The following RNF10 variants were observed in gnomAD, a reference collection of about 807,000 sequenced individuals.
The protein encoded by RNF10 is ring finger protein 10.
Under a neutral mutation model 91.4 loss-of-function variants are expected in RNF10, and 38 were observed. That is an observed-to-expected ratio of 0.42 (90% confidence interval 0.32 to 0.54). RNF10 has a LOEUF of 0.54. Ranked by LOEUF, RNF10 falls within the 20% of genes least tolerant of loss-of-function variation. The probability of loss-of-function intolerance (pLI) is 0.16; values close to 1 mark genes in which losing one functional copy is unlikely to be tolerated. For missense variants in RNF10, 945 were observed against 1,012.0 expected, an observed-to-expected ratio of 0.93 and a Z score of 0.90; for synonymous variants, 364 against 366.3, an observed-to-expected ratio of 0.99 and a Z score of 0.07.
In RNF10 at chr12:120,562,964, C is replaced by G. The variant is rs146309808; in HGVS notation, c.1148C>G (p.Ser383Trp). 347 of 1,613,880 alleles carry G rather than the reference C, an allele frequency of 2.2e-4. No homozygotes were observed. The highest frequency in any genetic ancestry group is 2.8e-4 in the Non-Finnish European group (327 of 1,179,956). The change falls in exon 8 of 17, where the codon TCG becomes TGG. Residue 383 changes from serine to tryptophan, a missense_variant. Ser to Trp is a radical substitution (Grantham distance 177). Transcript: ENST00000325954. Reference sequence around the variant, plus strand: ...CGTTAGACTCGGGAAGAGGCTCTGTCGGGATTGGCCGGAAGCAGAAGGGAG... The same window carrying G: ...CGTTAGACTCGGGAAGAGGCTCTGTGGGGATTGGCCGGAAGCAGAAGGGAG... ...QELKTREEAL[S>W]GLAGSRREVT...
chr12:120,559,841 G>A (rs959361048), intron 6 of RNF10, among the ~76,000 whole-genome samples: 6 of 150,104 alleles, frequency 4.0e-5, no homozygotes, highest in East Asian at 2.0e-4. Flanking sequence ...GATTATAGGC[G>A]CCCGTCACCA....
At chr12:120,560,160 T>TG (rs1045273979) in intron 6 of RNF10, among the ~76,000 whole-genome samples, 19 of 151,076 alleles carry the variant, frequency 1.3e-4, no homozygotes, top group East Asian at 9.7e-4. Flanking sequence ...TTTTGTTTTT[T>TG]TTTTTTTTGA....
chr12:120,545,155 T>C (rs1246543895), intron 1 of RNF10, among the ~76,000 whole-genome samples: 1 of 152,192 alleles, frequency 6.6e-6, no homozygotes, highest in African/African-American at 2.4e-5. Flanking sequence ...ACACATATTA[T>C]AATTGAAGAG....
At chr12:120,551,295 T>G (rs893625128) in intron 2 of RNF10, among the ~76,000 whole-genome samples, 1 of 131,604 alleles carries the variant, frequency 7.6e-6, no homozygotes, top group Non-Finnish European at 1.7e-5. Context: ...CTAGTGTTTT[T>G]TTTTTTTTTT....
rs1257481124 is a variant in RNF10 at position 120,577,438 on chromosome 12, A to G, written c.*772A>G. The G allele has an allele frequency of 4.9e-5, 14 of 288,604 alleles. No homozygotes were observed. The highest frequency in any genetic ancestry group is 3.5e-4 in the South Asian group (13 of 36,872). 17.9% of individuals were successfully genotyped at this position (288,604 alleles called of 1,614,324 possible). A position where few individuals can be genotyped will look rare whatever the true frequency, so the allele number is the denominator to read the frequency against. On this transcript the variant is annotated 3_prime_UTR_variant, in exon 17 of 17. Coordinates refer to ENST00000325954, the MANE Select transcript of RNF10 (RefSeq NM_014868.5). ...GAGCAGGGCCATCTGAAGCGGTAGC[A>G]TTGCCACCATCTCCCTCTCATCTAG...
chr12:120,567,591 C>T (rs185153375), intron 13 of RNF10, among the ~76,000 whole-genome samples: 3 of 151,738 alleles, frequency 2.0e-5, no homozygotes, highest in African/African-American at 7.3e-5. Flanking sequence ...GTCCCAGCTA[C>T]TTGGGAGGCT....
chr12:120,550,603 CTTT>C (rs1184392958), intron 2 of RNF10, among the ~76,000 whole-genome samples: 1 of 141,962 alleles, frequency 7.0e-6, no homozygotes. Flanking sequence ...TTTTTGTTTG[CTTT>C]TTTTTTTTTG....
intron 2 of RNF10, 124 bp downstream of exon 2, chr12:120,546,725 T>A: frequency 1.2e-6 from 1 of 803,136 alleles, no homozygotes; most frequent in South Asian, 2.4e-5. Flanking sequence ...ATCAAAGCAG[T>A]CTTGAGTAGG....
chr12:120,560,785 C>G lies in RNF10; in HGVS notation c.1027C>G (p.Arg343Gly), dbSNP rs201672608. Residue 343 changes from arginine to glycine, a missense_variant, in exon 7 of 17, where the codon CGG (arginine) becomes GGG (glycine). Physicochemically the swap from Arg to Gly is moderately radical, Grantham distance 125. Transcript: ENST00000325954. ...LLASKEQVLHRVVLEEKVALE... is the reference protein window; with the variant it reads ...LLASKEQVLHGVVLEEKVALE... The stretch of plus-strand genomic sequence containing the variant: ...GGCCTCTAAGGAGCAGGTGCTGCAC[C>G]GGGTAGTTCTGGAGGAGAAAGTAGC... 3 of 1,613,730 alleles carry G rather than the reference C, an allele frequency of 1.9e-6. No homozygotes were observed. The highest frequency in any genetic ancestry group is 3.3e-5 in the Admixed American group (2 of 59,962).
Position 120,576,937 on chromosome 12 carries a change from C to G in RNF10, c.*271C>G. On this transcript the variant is annotated 3_prime_UTR_variant, in exon 17 of 17. Coordinates refer to ENST00000325954, the MANE Select transcript of RNF10 (RefSeq NM_014868.5). ...TTCATTGCCAGTTTAGTCTTTTTGACCCATGTGTAATTAATTTTTCTCAAC... is the reference window on the plus strand; with the variant it reads ...TTCATTGCCAGTTTAGTCTTTTTGAGCCATGTGTAATTAATTTTTCTCAAC... 1 of 408,756 alleles carries G rather than the reference C, an allele frequency of 2.4e-6. No homozygotes were observed. Among genetic ancestry groups the G allele is most frequent in the South Asian group, 2.2e-5 (1 of 44,810 alleles). The allele number at this position is 408,756 out of a possible 1,614,324, so 25.3% of individuals were successfully genotyped here.
chr12:120,556,775 T>C (rs1874089471), intron 4 of RNF10, among the ~76,000 whole-genome samples: 1 of 152,108 alleles, frequency 6.6e-6, no homozygotes. Flanking sequence ...TTCTATTTAA[T>C]GTAGAACCCC....
rs1299350786 is a variant in RNF10, at chr12:120,548,664, T to C, written c.354+2063T>C. Among the ~76,000 whole-genome samples the C allele has an allele frequency of 1.1e-4, 16 of 149,280 alleles. No individual in the cohort carries two copies. The South Asian group carries it at 1.9e-3, about 18-fold the overall frequency. On this transcript the variant is annotated intron_variant, in intron 2 of 16. Transcript: ENST00000325954. ...CTTGAGGGATTTTTTTTCTTTCTTT[T>C]TTTTTTTTTTTTGAGATGGAGTCTC... is the stretch of plus-strand genomic sequence containing the variant.
At chr12:120,566,686 T>TG in intron 12 of RNF10, 139 bp from the exon 13 acceptor site, 1 of 780,422 alleles carries the variant, frequency 1.3e-6, no homozygotes, top group South Asian at 1.7e-5. Flanking sequence ...CGCTTGAGCC[T>TG]GGGAGGCAGA....
At chr12:120,572,378 T>TGG (rs1239030241) in intron 14 of RNF10, among the ~76,000 whole-genome samples, 1 of 151,998 alleles carries the variant, frequency 6.6e-6, no homozygotes, top group Non-Finnish European at 1.5e-5. Flanking sequence ...TGACAGTTCT[T>TGG]TAGAGCAGTT....
intron 2 of RNF10, 131 bp from the exon 3 acceptor site, chr12:120,552,368 C>A: frequency 1.4e-6 from 1 of 734,342 alleles, no homozygotes; most frequent in Non-Finnish European, 2.2e-6. Context: ...CCATTGCACT[C>A]CAGCCTGGAT....
In RNF10 at chr12:120,566,957, G is replaced by A. The variant is rs767928782; in HGVS notation, c.2018G>A (p.Ser673Asn). ...GHGALSISPL[S>N]RSPGSHADFL... is the part of the protein sequence containing the mutation. ...GGGGCCCTCTCCATTTCTCCTCTCAGCAGAAGTCCAGGTTCCCATGCAGGT... is the reference window on the plus strand; with the variant it reads ...GGGGCCCTCTCCATTTCTCCTCTCAACAGAAGTCCAGGTTCCCATGCAGGT... Residue 673 changes from serine (S) to asparagine (N), a missense_variant, in exon 13 of 17, where the codon AGC becomes AAC. Coordinates refer to ENST00000325954, the MANE Select transcript of RNF10 (RefSeq NM_014868.5). 2 of 1,605,334 alleles carry A rather than the reference G, an allele frequency of 1.2e-6. No homozygotes were observed. The highest frequency in any genetic ancestry group is 2.7e-5 in the African/African-American group (2 of 74,042).
intron 3 of RNF10, chr12:120,554,362 C>T (rs2137186397): frequency 4.1e-6 from 1 of 243,118 alleles, no homozygotes; most frequent in Non-Finnish European, 8.1e-6. Flanking sequence ...TTTCAACTGC[C>T]TTGAAGACTA....
chr12:120,560,811 A>G lies in RNF10; in HGVS notation c.1053A>G (p.Ala351=), dbSNP rs752643854. The G allele has an allele frequency of 6.2e-7, 1 of 1,614,196 alleles. No individual in the cohort carries two copies. Among genetic ancestry groups the G allele is most frequent in the Admixed American group, 1.7e-5 (1 of 60,020 alleles). ...GGGTAGTTCTGGAGGAGAAAGTAGCACTAGAGCAGCAGCTGGCAGAGGAGA... is the reference window on the plus strand; with the variant it reads ...GGGTAGTTCTGGAGGAGAAAGTAGCGCTAGAGCAGCAGCTGGCAGAGGAGA... The part of the protein sequence containing the change: ...LHRVVLEEKV[A]LEQQLAEEKH... Residue 351 remains alanine (A), a synonymous_variant, in exon 7 of 17, where the codon GCA becomes GCG. Transcript: ENST00000325954.
chr12:120,574,801 CTA>C (rs1407182790), intron 14 of RNF10: 1 of 255,868 alleles, frequency 3.9e-6, no homozygotes, highest in Non-Finnish European at 7.8e-6. Flanking sequence ...TGGTGCATGC[CTA>C]TAATCCCAGC....
Sources: allele counts gnomAD v4.1 joint callset (sites outside exome capture counted in the v4.1 genomes callset), GRCh38; gene constraint gnomAD v4.1.1; transcripts MANE v1.5; gene names NCBI Gene and HGNC (gene_info 2026-07-23, HGNC 2026-07-21).